The following SYT1 variants were observed in gnomAD, a reference collection of about 807,000 sequenced individuals.
The protein encoded by SYT1 is synaptotagmin 1, also known as synaptotagmin-1.
In SYT1, 8 loss-of-function variants were observed where a neutral mutation model predicts 44.8. The ratio of observed to expected loss-of-function variants is 0.18; its 90% CI spans 0.10 to 0.32. The LOEUF (loss-of-function observed/expected upper bound fraction) is 0.32. Among genes scored for constraint, SYT1 ranks in the 10% least tolerant of loss-of-function variants. The pLI is 1.00. For missense variants in SYT1, 286 were observed against 509.3 expected (o/e 0.56, Z 4.22); for synonymous variants, 154 against 188.8 (o/e 0.82, Z 1.51).
chr12:79,206,474 TAGTA>T (rs1238260177), intron 3 of SYT1, among the ~76,000 whole-genome samples: 2 of 152,040 alleles, frequency 1.3e-5, no homozygotes, highest in Non-Finnish European at 2.9e-5. Context: ...CAGACAGTGA[TAGTA>T]AGATACCACA....
upstream of SYT1, chr12:78,864,301 G>A (rs1873413812): frequency 6.6e-6 from 1 of 151,324 alleles, no homozygotes; most frequent in Non-Finnish European, 1.5e-5. Context: ...AAACTCCTAG[G>A]TCGCTGTTGC....
intron 1 of SYT1, chr12:78,977,535 A>G (rs948839790): frequency 6.6e-6 from 1 of 152,238 alleles, no homozygotes; most frequent in Admixed American, 6.5e-5. Flanking sequence ...AGAAGATGTC[A>G]GAATGATATG....
intron 3 of SYT1, among the ~76,000 whole-genome samples, chr12:79,164,712 A>C (rs942676720): frequency 2.0e-5 from 3 of 152,062 alleles, no homozygotes; most frequent in African/African-American, 7.2e-5. Context: ...GCATTTGGAG[A>C]TCATTGGTTG....
At chr12:79,153,092 C>A (rs888233046) in intron 3 of SYT1, among the ~76,000 whole-genome samples, 1 of 151,876 alleles carries the variant, frequency 6.6e-6, no homozygotes, top group African/African-American at 2.4e-5. Flanking sequence ...CAAAAAACAA[C>A]CCCAAAAAAG....
intron 2 of SYT1, among the ~76,000 whole-genome samples, chr12:78,998,107 A>G (rs1870497998): frequency 6.6e-6 from 1 of 152,240 alleles, no homozygotes; most frequent in African/African-American, 2.4e-5. Context: ...AGAAAGAAAG[A>G]GCAGGATCTG....
intron 1 of SYT1, among the ~76,000 whole-genome samples, chr12:78,969,091 C>G (rs951413709): frequency 6.6e-6 from 1 of 152,100 alleles, no homozygotes; most frequent in Non-Finnish European, 1.5e-5. Context: ...CATGTAGAGA[C>G]TTTTTCATGT....
intron 9 of SYT1, among the ~76,000 whole-genome samples, chr12:79,371,371 A>G (rs961339051): frequency 8.5e-5 from 13 of 152,226 alleles, no homozygotes; most frequent in Non-Finnish European, 4.4e-5. Flanking sequence ...CTTGAGCAGC[A>G]AAATGATCAT....
chr12:79,064,810 C>A (rs1465892054), intron 3 of SYT1, among the ~76,000 whole-genome samples: 1 of 151,806 alleles, frequency 6.6e-6, no homozygotes, highest in Non-Finnish European at 1.5e-5. Flanking sequence ...CACACACACA[C>A]ACACATACAC....
chr12:79,424,361 A>G (rs757373385), intron 9 of SYT1, among the ~76,000 whole-genome samples: 1 of 152,090 alleles, frequency 6.6e-6, no homozygotes, highest in Non-Finnish European at 1.5e-5. Flanking sequence ...AACAAATGCC[A>G]TGGATGTATT....
At chr12:79,055,926 A>T (rs1427340575) in intron 3 of SYT1, among the ~76,000 whole-genome samples, 1 of 152,008 alleles carries the variant, frequency 6.6e-6, no homozygotes, top group Non-Finnish European at 1.5e-5. Flanking sequence ...CATATATAGC[A>T]GTGACACCTT....
intron 1 of SYT1, chr12:78,868,807 T>G (rs983388508): frequency 6.6e-6 from 1 of 151,742 alleles, no homozygotes; most frequent in African/African-American, 2.4e-5. Context: ...AGCCTAGAGT[T>G]TTTTTCTTTT....
intron 3 of SYT1, among the ~76,000 whole-genome samples, chr12:79,126,826 G>T (rs2138158583): frequency 6.6e-6 from 1 of 152,280 alleles, no homozygotes; most frequent in East Asian, 1.9e-4. Flanking sequence ...TTAGGGTAGG[G>T]TTTACCAGTG....
intron 3 of SYT1, among the ~76,000 whole-genome samples, chr12:79,151,063 A>G (rs575302151): frequency 1.3e-5 from 2 of 152,316 alleles, no homozygotes; most frequent in Middle Eastern, 3.4e-3. Context: ...ACTGTGCCAC[A>G]GACCCAGAGG....
chr12:78,895,195 A>G (rs892049307), intron 1 of SYT1, among the ~76,000 whole-genome samples: 37 of 151,742 alleles, frequency 2.4e-4, no homozygotes, highest in Non-Finnish European at 5.9e-5. Flanking sequence ...TGAGAATATT[A>G]CTTTTTTGAG....
At chr12:79,412,497 A>G (rs1439439032) in intron 9 of SYT1, among the ~76,000 whole-genome samples, 1 of 151,964 alleles carries the variant, frequency 6.6e-6, no homozygotes, top group Admixed American at 6.6e-5. Context: ...ACCAATTATT[A>G]TTTTAGAGAG....
chr12:78,967,331 G>A (rs1868272746), intron 1 of SYT1, among the ~76,000 whole-genome samples: 1 of 152,170 alleles, frequency 6.6e-6, no homozygotes. Flanking sequence ...AGGCTAGAGG[G>A]CAGAGCAATG....
intron 3 of SYT1, among the ~76,000 whole-genome samples, chr12:79,205,089 C>A (rs1004472893): frequency 1.3e-5 from 2 of 151,562 alleles, no homozygotes; most frequent in South Asian, 4.2e-4. Context: ...CTCAGCCTCC[C>A]GAGTAGCTGG....
chr12:79,424,096 A>T (rs1435404650), intron 9 of SYT1, among the ~76,000 whole-genome samples: 1 of 152,068 alleles, frequency 6.6e-6, no homozygotes, highest in Non-Finnish European at 1.5e-5. Flanking sequence ...AGAGTATTTG[A>T]TAAATGCTGT....
chr12:79,343,174 T>G (rs1284257572), intron 8 of SYT1, among the ~76,000 whole-genome samples: 2 of 152,150 alleles, frequency 1.3e-5, no homozygotes, highest in African/African-American at 2.4e-5. Flanking sequence ...TTCGGTAATA[T>G]GGATGTCATT....
Sources: gnomAD v4.1 joint callset for allele counts (sites outside exome capture counted in the v4.1 genomes callset) on GRCh38, gnomAD v4.1.1 for gene constraint, MANE v1.5 for transcripts, NCBI Gene and HGNC (gene_info 2026-07-23, HGNC 2026-07-21) for gene names.